The following AHDC1 variants were observed in gnomAD, a reference collection of about 807,000 sequenced individuals.
AHDC1 encodes the protein AT-hook DNA binding motif containing 1.
In AHDC1, 7 loss-of-function variants were observed where a neutral mutation model predicts 87.9. That is an observed-to-expected ratio of 0.08 (90% CI 0.05 to 0.15). AHDC1 has a LOEUF of 0.15. AHDC1 is among the 10% of genes least tolerant of loss of function. The probability of loss-of-function intolerance (pLI) is 1.00; values close to 1 mark genes in which losing one functional copy is unlikely to be tolerated. For synonymous variants in AHDC1, 1,051 were observed against 1,006.8 expected (o/e 1.04, Z -0.83); for missense variants, 1,841 against 2,253.2 (o/e 0.82, Z 3.70).
rs1023717176 is a variant in AHDC1 at position 27,595,587 on chromosome 1, T to G, written c.-629+7810A>C. Among the ~76,000 whole-genome samples, 21 of 151,744 alleles carry G rather than the reference T, an allele frequency of 1.4e-4. No individual in the cohort carries two copies. Among genetic ancestry groups the G allele is most frequent in the African/African-American group, 4.6e-4 (19 of 41,202 alleles). ...GAAAGGTGTTGTGGTTGGTGGAGGA[T>G]GCACTGTGGTTTTGGGGAGGAGCTG... On this transcript the variant is annotated intron_variant, in intron 3 of 8. Transcript: ENST00000673934. The surrounding 1 kb of genome is among the most constrained non-coding windows in gnomAD (Gnocchi z 4.0).
chr1:27,561,673 A>G lies in AHDC1; in HGVS notation c.-628-2790T>C, dbSNP rs1011050480. Among the ~76,000 whole-genome samples the G allele has an allele frequency of 6.6e-6, 1 of 152,124 alleles. No individual in the cohort carries two copies. Among genetic ancestry groups the G allele is most frequent in the Non-Finnish European group, 1.5e-5 (1 of 68,014 alleles). On this transcript the variant is annotated intron_variant, in intron 3 of 8. Transcript: ENST00000673934. The surrounding 1 kb of genome is among the most constrained non-coding windows in gnomAD (Gnocchi z 4.2). ...GGTTGCAGACACCAGCCGAGACCAC[A>G]CAAGAGAGAGAGAGGAAAAGACAGA...
In AHDC1 at chr1:27,551,264, G is replaced by A; in HGVS notation, c.852C>T (p.Asp284=). Residue 284 remains aspartate (D), a synonymous_variant, in exon 8 of 9, where the codon GAC becomes GAT. Transcript: ENST00000673934. ...QLLDPQPRFL[D]PQALEPLGEA... is the part of the protein sequence containing the mutation. ...CCCCGAGCGGCTCTAGTGCCTGCGG[G>A]TCCAGGAAGCGGGGCTGGGGGTCCA... The A allele has an allele frequency of 6.2e-7, 1 of 1,610,170 alleles. No homozygotes were observed. Among genetic ancestry groups the A allele is most frequent in the Non-Finnish European group, 8.5e-7 (1 of 1,179,554 alleles).
rs2148341848 is a variant in AHDC1 at position 27,560,636 on chromosome 1, C to T, written c.-628-1753G>A. Among the ~76,000 whole-genome samples, 1 of 152,126 alleles carries T rather than the reference C, an allele frequency of 6.6e-6. No homozygotes were observed. The highest frequency in any genetic ancestry group is 1.9e-4 in the East Asian group (1 of 5,176). ...GGTCAGTATGTGCTCGTGTGTGTGTCCATGCATGTGTGGATTTGTGTGACC... is the reference window on the plus strand; with the variant it reads ...GGTCAGTATGTGCTCGTGTGTGTGTTCATGCATGTGTGGATTTGTGTGACC... On this transcript the variant is annotated intron_variant, in intron 3 of 8. Transcript: ENST00000673934. The surrounding 1 kb of genome is among the most constrained non-coding windows in gnomAD (Gnocchi z 4.1).
Position 27,551,583 on chromosome 1 carries a change from C to T in AHDC1, c.533G>A (p.Arg178His), listed in dbSNP as rs2019567289. 1.2e-6 allele frequency: 2 copies of T among 1,610,738 alleles called. No individual in the cohort carries two copies. Among genetic ancestry groups the T allele is most frequent in the Non-Finnish European group, 1.7e-6 (2 of 1,177,680 alleles). The part of the protein sequence containing the change: ...FSSPSLANSI[R>H]SPEERATPHA... Reference sequence around the variant, plus strand: ...TGGGGTGGCCCGCTCCTCAGGGCTACGGATGCTGTTGGCCAAACTGGGTGA... The same window carrying T: ...TGGGGTGGCCCGCTCCTCAGGGCTATGGATGCTGTTGGCCAAACTGGGTGA... Residue 178 changes from arginine (R) to histidine (H), a missense_variant, in exon 8 of 9, where the codon CGT becomes CAT. Arg to His is a conservative substitution (Grantham distance 29, BLOSUM62 0). This residue lies in a region of AHDC1 where 50 missense variants were observed against 104.3 expected (regional missense o/e 0.48). Transcript: ENST00000673934.
Position 27,550,664 on chromosome 1 carries a change from C to T in AHDC1, c.1452G>A (p.Ser484=), listed in dbSNP as rs777772320. 12 of 1,613,154 alleles carry T rather than the reference C, an allele frequency of 7.4e-6. No individual in the cohort carries two copies. Among genetic ancestry groups the T allele is most frequent in the Admixed American group, 5.0e-5 (3 of 59,976 alleles). Reference sequence around the variant, plus strand: ...ATGTGGTCTTGTTCCGCCGCCCCAGCGATACGGGGATCTTGGCCATCTTCA... The same window carrying T: ...ATGTGGTCTTGTTCCGCCGCCCCAGTGATACGGGGATCTTGGCCATCTTCA... The part of the protein sequence containing the change: ...MVVKMAKIPV[S]LGRRNKTTYK... The change falls in exon 8 of 9, where the codon TCG becomes TCA. Residue 484 remains serine (S), a synonymous_variant. Transcript: ENST00000673934.
chr1:27,596,421 C>T (rs138073619), intron 3 of AHDC1, among the ~76,000 whole-genome samples: 70 of 152,214 alleles, frequency 4.6e-4, no homozygotes, highest in African/African-American at 1.4e-3. Context: ...AAACCACTGA[C>T]GCCAGAAGAG....
At chr1:27,564,432 C>T (rs1328549174) in intron 3 of AHDC1, among the ~76,000 whole-genome samples, 5 of 152,252 alleles carry the variant, frequency 3.3e-5, no homozygotes, top group Non-Finnish European at 7.3e-5. Context: ...CCTCATCTTC[C>T]TCATCTGTAC....
rs556318354 is a variant in AHDC1, at chr1:27,547,032, C to G, written c.*43+229G>C. ...TGGCCATTTCAATTCACAAGACCCCCCCGAACGTTCAAGCCCCCTGCTGAG... is the reference window on the plus strand; with the variant it reads ...TGGCCATTTCAATTCACAAGACCCCGCCGAACGTTCAAGCCCCCTGCTGAG... On this transcript the variant is annotated intron_variant, in intron 8 of 8. Coordinates refer to ENST00000673934, the MANE Select transcript of AHDC1 (RefSeq NM_001371928.1). This position sits in a 1 kb window ranked among gnomAD's most constrained non-coding sequence, Gnocchi z 4.9. Among the ~76,000 whole-genome samples, 1 of 151,980 alleles carries G rather than the reference C, an allele frequency of 6.6e-6. No homozygotes were observed. Among genetic ancestry groups the G allele is most frequent in the East Asian group, 1.9e-4 (1 of 5,168 alleles).
chr1:27,542,827 G>C (rs1186025908), intron 8 of AHDC1, among the ~76,000 whole-genome samples: 1 of 152,234 alleles, frequency 6.6e-6, no homozygotes, highest in East Asian at 1.9e-4. Context: ...TTCAGGAAAT[G>C]AGGGCTCAGA....
At chr1:27,592,983 C>A (rs553404893) in intron 3 of AHDC1, among the ~76,000 whole-genome samples, 9 of 152,154 alleles carry the variant, frequency 5.9e-5, no homozygotes, top group Non-Finnish European at 1.0e-4. Context: ...AGGTTCCATA[C>A]TGGGTGACCC....
intron 3 of AHDC1, among the ~76,000 whole-genome samples, chr1:27,578,871 T>C (rs2088831659): frequency 6.6e-6 from 1 of 151,944 alleles, no homozygotes; most frequent in Non-Finnish European, 1.5e-5. Context: ...TAATTTTTTG[T>C]ATTTTTAGTA....
intron 3 of AHDC1, among the ~76,000 whole-genome samples, chr1:27,600,194 G>A (rs1290241878): frequency 1.3e-5 from 2 of 151,608 alleles, no homozygotes; most frequent in East Asian, 2.0e-4. Context: ...CCCCTCCCTG[G>A]GGGGGGCCCA....
intron 3 of AHDC1, among the ~76,000 whole-genome samples, chr1:27,585,655 G>C (rs1044782900): frequency 8.5e-5 from 13 of 152,068 alleles, no homozygotes; most frequent in African/African-American, 2.9e-4. Flanking sequence ...GCACACCTTC[G>C]AGAAGCCCCT....
At chr1:27,571,610 A>AC (rs1553162979) in intron 3 of AHDC1, among the ~76,000 whole-genome samples, 72 of 150,968 alleles carry the variant, frequency 4.8e-4, no homozygotes, top group African/African-American at 1.7e-3. Flanking sequence ...CCAGCCAAGG[A>AC]GGGGGGGGTG....
intron 3 of AHDC1, among the ~76,000 whole-genome samples, chr1:27,589,166 C>T (rs1158523919): frequency 6.6e-6 from 1 of 152,086 alleles, no homozygotes; most frequent in Non-Finnish European, 1.5e-5. Context: ...CCTCAGAGTC[C>T]TCCCTGGAGC....
At chr1:27,587,215 T>G (rs1422166857) in intron 3 of AHDC1, among the ~76,000 whole-genome samples, 2 of 152,220 alleles carry the variant, frequency 1.3e-5, no homozygotes, top group Non-Finnish European at 2.9e-5. Flanking sequence ...GCATTTTGTT[T>G]GTGGTCACCC....
chr1:27,589,756 T>A (rs945069311), intron 3 of AHDC1, among the ~76,000 whole-genome samples: 1 of 152,162 alleles, frequency 6.6e-6, no homozygotes, highest in Non-Finnish European at 1.5e-5. Flanking sequence ...CAAGTTAATC[T>A]CAGACTCTGT....
Position 27,548,916 on chromosome 1 carries a change from C to A in AHDC1, c.3200G>T (p.Gly1067Val). The A allele has an allele frequency of 1.2e-6, 2 of 1,601,842 alleles. No homozygotes were observed. Among genetic ancestry groups the A allele is most frequent in the East Asian group, 4.5e-5 (2 of 44,400 alleles). Residue 1067 changes from glycine (G) to valine (V), a missense_variant, in exon 8 of 9, where the codon GGC becomes GTC. Gly to Val is a moderately radical substitution (Grantham distance 109, BLOSUM62 -3). Around this residue, in one of 13 missense-constraint regions of AHDC1, gnomAD observed 378 missense variants for 399.0 expected, o/e 0.95. Coordinates refer to ENST00000673934, the MANE Select transcript of AHDC1 (RefSeq NM_001371928.1). Reference protein sequence around the residue: ...DSRASTVSPGGYMVPKGTTAS... With the variant: ...DSRASTVSPGVYMVPKGTTAS... ...TGTGGTGCCCTTGGGTACCATGTAG[C>A]CACCGGGCGAGACTGTGCTGGCCCG...
chr1:27,547,810 G>C lies in AHDC1; in HGVS notation c.4306C>G (p.His1436Asp), dbSNP rs999694147. The C allele has an allele frequency of 1.3e-6, 2 of 1,551,872 alleles. No individual in the cohort carries two copies. Among genetic ancestry groups the C allele is most frequent in the Non-Finnish European group, 1.7e-6 (2 of 1,147,314 alleles). Residue 1436 changes from histidine (H) to aspartate (D), a missense_variant, in exon 8 of 9, where the codon CAC becomes GAC. Around this residue, in one of 13 missense-constraint regions of AHDC1, gnomAD observed 505 missense variants for 626.2 expected, o/e 0.81. Coordinates refer to ENST00000673934, the MANE Select transcript of AHDC1 (RefSeq NM_001371928.1). This position sits in a 1 kb window ranked among gnomAD's most constrained non-coding sequence, Gnocchi z 4.9. The stretch of plus-strand genomic sequence containing the variant: ...AGGTGGGCCTGGGCTGCAGCTGCGT[G>C]GCCCAGGCTGGCCCCCTGGAGTCCA... ...KHGLQGASLG[H>D]AAAAQAHLSC...
Sources: gnomAD v4.1 joint callset for allele counts (sites outside exome capture counted in the v4.1 genomes callset) on GRCh38, gnomAD v4.1.1 for gene constraint, gnomAD v4.1.1 regional missense constraint, Gnocchi (gnomAD v3.1) non-coding constraint, MANE v1.5 for transcripts, NCBI Gene and HGNC (gene_info 2026-07-23, HGNC 2026-07-21) for gene names.